The following RNF169 variants were observed in gnomAD, a reference collection of about 807,000 sequenced individuals.
RNF169 encodes ring finger protein 169.
Under a neutral mutation model 53.9 loss-of-function variants are expected in RNF169, and 24 were observed. The observed-to-expected ratio is 0.45, with a 90% CI of 0.32 to 0.63. RNF169 has a LOEUF of 0.63. Among genes scored for constraint, RNF169 ranks in the 20% least tolerant of loss-of-function variants. RNF169 has a pLI of 0.04. For synonymous variants in RNF169, 396 were observed against 363.5 expected (o/e 1.09, Z -1.02); for missense variants, 883 against 906.2 (o/e 0.97, Z 0.33).
intron 1 of RNF169, among the ~76,000 whole-genome samples, chr11:74,769,164 A>G (rs2035221112): frequency 6.6e-6 from 1 of 152,256 alleles, no homozygotes; most frequent in South Asian, 2.1e-4. Context: ...TATGAACTAC[A>G]AATCATTATG....
intron 1 of RNF169, among the ~76,000 whole-genome samples, chr11:74,786,247 T>TC (rs1264022878): frequency 2.0e-3 from 294 of 149,942 alleles, no homozygotes; most frequent in Middle Eastern, 0.014. Flanking sequence ...CCTGTTTCTT[T>TC]TTTTTTTTTT....
Position 74,749,295 on chromosome 11 carries a change from G to T in RNF169, c.415G>T (p.Glu139Ter). 8.5e-7 allele frequency: 1 copy of T among 1,170,898 alleles called. No individual in the cohort carries two copies. Among genetic ancestry groups the T allele is most frequent in the Non-Finnish European group, 1.1e-6 (1 of 950,380 alleles). The allele number at this position is 1,170,898 out of a possible 1,614,324, so 72.5% of individuals were successfully genotyped here. A position where few individuals can be genotyped will look rare whatever the true frequency, so the allele number is the denominator to read the frequency against. The change falls in exon 1 of 6, where the codon GAG becomes TAG. Residue 139 changes from glutamate to a stop codon, truncating the protein, a stop_gained. Transcript: ENST00000299563. LOFTEE classifies it high-confidence loss of function. ...CGAGTGCGCCCGCCGCAGCCAACCCGAGCGCTGCCGCCCGCGCCGGGACGG... is the reference window on the plus strand; with the variant it reads ...CGAGTGCGCCCGCCGCAGCCAACCCTAGCGCTGCCGCCCGCGCCGGGACGG... ...LGECARRSQP[E>*]RCRPRRDGGA...
chr11:74,765,731 T>A (rs1823038860), intron 1 of RNF169, among the ~76,000 whole-genome samples: 1 of 150,130 alleles, frequency 6.7e-6, no homozygotes, highest in Non-Finnish European at 1.5e-5. Flanking sequence ...GAACCCAGGA[T>A]GTGGAGGTTA....
chr11:74,749,615 A>AAGTC lies in RNF169; in HGVS notation c.502+234_502+237dup, dbSNP rs572938925. ...GGTGAGGGCACCCTGTGCCTTACGT[A>AAGTC]AGTCCGAAGTTTGGAGGGAAACAGA... On this transcript the variant is annotated intron_variant, in intron 1 of 5. Transcript: ENST00000299563. Among the ~76,000 whole-genome samples, 45 of 152,306 alleles carry AAGTC rather than the reference A, an allele frequency of 3.0e-4. 3 individuals are homozygous for AAGTC. In the East Asian group the frequency reaches 7.7e-3, roughly 26 times the overall value.
At chr11:74,788,324 C>T (rs767012729) in intron 1 of RNF169, among the ~76,000 whole-genome samples, 1 of 151,744 alleles carries the variant, frequency 6.6e-6, no homozygotes, top group Non-Finnish European at 1.5e-5. Context: ...CACACACACA[C>T]GACCACATTA....
intron 4 of RNF169, among the ~76,000 whole-genome samples, chr11:74,825,944 C>G (rs1050801082): frequency 1.2e-4 from 18 of 152,150 alleles, no homozygotes; most frequent in Non-Finnish European, 2.9e-5. Context: ...AACTTACAAT[C>G]ATGGCAGAAG....
intron 3 of RNF169, among the ~76,000 whole-genome samples, chr11:74,813,911 C>T (rs535484243): frequency 1.3e-5 from 2 of 152,148 alleles, no homozygotes; most frequent in African/African-American, 2.4e-5. Flanking sequence ...AGGATGGTCT[C>T]GATCTCTTGA....
At chr11:74,820,322 T>C (rs2035992518) in intron 4 of RNF169, among the ~76,000 whole-genome samples, 1 of 152,158 alleles carries the variant, frequency 6.6e-6, no homozygotes, top group South Asian at 2.1e-4. Flanking sequence ...TGCAGAGTTA[T>C]GCCTTACCTA....
chr11:74,789,555 AT>A, intron 1 of RNF169, 70 bp from the exon 2 acceptor site: 1 of 867,130 alleles, frequency 1.2e-6, no homozygotes. Flanking sequence ...TATAACCCAC[AT>A]GTATTGTGCC....
chr11:74,801,568 A>T (rs1397773708), intron 2 of RNF169, among the ~76,000 whole-genome samples: 1 of 152,226 alleles, frequency 6.6e-6, no homozygotes, highest in African/African-American at 2.4e-5. Flanking sequence ...CATGACCCCC[A>T]TATGAATTTA....
intron 1 of RNF169, among the ~76,000 whole-genome samples, chr11:74,780,935 G>A (rs1185561025): frequency 6.6e-6 from 1 of 152,170 alleles, no homozygotes. Context: ...CAGAACCTGA[G>A]GGTCCAAGAT....
chr11:74,768,483 T>C (rs980761138), intron 1 of RNF169, among the ~76,000 whole-genome samples: 8 of 152,100 alleles, frequency 5.3e-5, no homozygotes, highest in Admixed American at 5.2e-4. Context: ...GGCGCATGCC[T>C]GTAGTCCCAG....
chr11:74,833,263 A>G (rs186358489), intron 4 of RNF169, among the ~76,000 whole-genome samples: 1 of 152,328 alleles, frequency 6.6e-6, no homozygotes, highest in Non-Finnish European at 1.5e-5. Flanking sequence ...TACCTCCTTT[A>G]CAAGTTTTCT....
chr11:74,823,556 C>T (rs555409912), intron 4 of RNF169, among the ~76,000 whole-genome samples: 21 of 151,662 alleles, frequency 1.4e-4, no homozygotes, highest in East Asian at 7.7e-4. Flanking sequence ...GGCAACATAG[C>T]GAGACCTTGT....
chr11:74,776,658 G>A (rs1294036502), intron 1 of RNF169, among the ~76,000 whole-genome samples: 1 of 152,158 alleles, frequency 6.6e-6, no homozygotes, highest in African/African-American at 2.4e-5. Context: ...ATTGAGATAA[G>A]TGCAGAATGC....
At chr11:74,825,942 A>G (rs375747651) in intron 4 of RNF169, among the ~76,000 whole-genome samples, 2 of 152,304 alleles carry the variant, frequency 1.3e-5, no homozygotes, top group South Asian at 2.1e-4. Flanking sequence ...GAAACTTACA[A>G]TCATGGCAGA....
intron 4 of RNF169, among the ~76,000 whole-genome samples, chr11:74,818,100 A>AG (rs969354873): frequency 6.6e-6 from 1 of 152,216 alleles, no homozygotes; most frequent in Non-Finnish European, 1.5e-5. Flanking sequence ...ATATCTTTAT[A>AG]GGTTTCAAGA....
intron 3 of RNF169, among the ~76,000 whole-genome samples, chr11:74,814,542 G>A (rs1296246551): frequency 2.6e-5 from 4 of 151,462 alleles, no homozygotes; most frequent in Non-Finnish European, 4.4e-5. Flanking sequence ...TTACATGCCT[G>A]ACTAGTTTTT....
intron 1 of RNF169, among the ~76,000 whole-genome samples, chr11:74,765,815 A>C (rs1591391421): frequency 6.7e-6 from 1 of 148,416 alleles, no homozygotes; most frequent in African/African-American, 2.6e-5. Context: ...TCAAAAAAAA[A>C]AAAACAAAAA....
Sources: allele counts gnomAD v4.1 joint callset (sites outside exome capture counted in the v4.1 genomes callset), GRCh38; gene constraint gnomAD v4.1.1; transcripts MANE v1.5; gene names NCBI Gene and HGNC (gene_info 2026-07-23, HGNC 2026-07-21).